The following CCDC88A variants were observed in gnomAD, a reference collection of about 807,000 sequenced individuals.
The protein encoded by CCDC88A is coiled-coil and HOOK domain protein 88A.
A neutral mutation model predicts 234.3 loss-of-function variants in CCDC88A; 54 were observed. That is an observed-to-expected ratio of 0.23 (90% CI 0.19 to 0.29). The LOEUF (loss-of-function observed/expected upper bound fraction) is 0.29, where lower values mean the gene tolerates loss of function less well. Among genes scored for constraint, CCDC88A ranks in the 10% least tolerant of loss-of-function variants. The pLI is 1.00. For missense variants in CCDC88A, 1,832 were observed against 2,123.4 expected, an observed-to-expected ratio of 0.86 and a Z score of 2.70; for synonymous variants, 753 against 737.8, an observed-to-expected ratio of 1.02 and a Z score of -0.33.
chr2:55,358,550 A>T (rs1367828980), intron 7 of CCDC88A, among the ~76,000 whole-genome samples: 2 of 152,054 alleles, frequency 1.3e-5, no homozygotes, highest in Non-Finnish European at 2.9e-5. Flanking sequence ...TGTAAATGTT[A>T]CCTTTTCTCT....
chr2:55,343,317 TACG>T (rs1176852762), intron 12 of CCDC88A, among the ~76,000 whole-genome samples: 1 of 152,140 alleles, frequency 6.6e-6, no homozygotes, highest in East Asian at 1.9e-4. Flanking sequence ...TGACCACTAA[TACG>T]ACTTTTCTGT....
In CCDC88A at chr2:55,290,639, T is replaced by C. The variant is rs909373467; in HGVS notation, c.*561A>G. 1.9e-4 allele frequency: 29 copies of C among 152,462 alleles called. No homozygotes were observed. Among genetic ancestry groups the C allele is most frequent in the Non-Finnish European group, 3.8e-4 (26 of 67,944 alleles). The allele number at this position is 152,462 out of a possible 1,614,324, so 9.4% of individuals were successfully genotyped here. A position where few individuals can be genotyped will look rare whatever the true frequency, so the allele number is the denominator to read the frequency against. On this transcript the variant is annotated 3_prime_UTR_variant, in exon 33 of 33. Coordinates refer to ENST00000436346, the MANE Select transcript of CCDC88A (RefSeq NM_001365480.1). ...ATAATTGGCTTTAAGAAAAAAAAAG[T>C]ATCAACACATGCAGTCTGCTAACCA... is the stretch of plus-strand genomic sequence containing the variant.
chr2:55,384,252 G>C (rs1013132089), intron 3 of CCDC88A, among the ~76,000 whole-genome samples: 1 of 150,132 alleles, frequency 6.7e-6, no homozygotes, highest in African/African-American at 2.4e-5. Flanking sequence ...AAATCCAGGT[G>C]GGGCAGAGGT....
intron 6 of CCDC88A, 114 bp from the exon 7 acceptor site, chr2:55,362,562 A>C: frequency 1.3e-6 from 1 of 750,580 alleles, no homozygotes; most frequent in Non-Finnish European, 2.0e-6. Flanking sequence ...AAATATGAAA[A>C]GCCAATATGA....
intron 25 of CCDC88A, 195 bp downstream of exon 25, chr2:55,308,614 T>G: frequency 1.9e-6 from 1 of 539,410 alleles, no homozygotes; most frequent in East Asian, 3.1e-5. Context: ...GGCCAAATGA[T>G]AGTATATCTG....
chr2:55,348,130 A>AT (rs918169924), intron 9 of CCDC88A, among the ~76,000 whole-genome samples: 3 of 151,338 alleles, frequency 2.0e-5, no homozygotes, highest in African/African-American at 7.3e-5. Context: ...CGTGCAGCTA[A>AT]TTTTTTCATT....
At chr2:55,296,130 T>C in intron 30 of CCDC88A, 74 bp from the exon 31 acceptor site, 1 of 1,338,022 alleles carries the variant, frequency 7.5e-7, no homozygotes, top group South Asian at 1.4e-5. Context: ...TAGCAGACTG[T>C]GCAATATAAA....
chr2:55,387,767 G>A (rs1428833167), intron 3 of CCDC88A, among the ~76,000 whole-genome samples: 1 of 119,304 alleles, frequency 8.4e-6, no homozygotes, highest in African/African-American at 3.4e-5. Context: ...GGGTGACAGT[G>A]AGGCTCCATC....
chr2:55,348,112 C>T (rs979205253), intron 9 of CCDC88A, among the ~76,000 whole-genome samples: 1 of 151,910 alleles, frequency 6.6e-6, no homozygotes, highest in African/African-American at 2.4e-5. Flanking sequence ...CAGGCGAGTG[C>T]CCCATTACGT....
intron 10 of CCDC88A, among the ~76,000 whole-genome samples, chr2:55,344,968 A>G (rs1193041774): frequency 2.0e-5 from 3 of 152,332 alleles, no homozygotes; most frequent in South Asian, 4.1e-4. Context: ...CACATAAATC[A>G]TAAACCAAGG....
At chr2:55,367,443 A>G (rs1349013047) in intron 5 of CCDC88A, among the ~76,000 whole-genome samples, 1 of 151,580 alleles carries the variant, frequency 6.6e-6, no homozygotes, top group East Asian at 1.9e-4. Context: ...TTGTATCAAC[A>G]AAAGTCTCCC....
intron 2 of CCDC88A, among the ~76,000 whole-genome samples, chr2:55,390,201 C>T (rs575029718): frequency 1.3e-5 from 2 of 152,032 alleles, no homozygotes; most frequent in African/African-American, 2.4e-5. Context: ...CTCTTTAATG[C>T]GTGGTTTAAC....
chr2:55,394,720 A>G (rs1192241480), intron 2 of CCDC88A: 1 of 150,382 alleles, frequency 6.6e-6, no homozygotes, highest in Non-Finnish European at 1.5e-5. Flanking sequence ...ATGATGAGTT[A>G]ATGGGTGCAG....
intron 3 of CCDC88A, among the ~76,000 whole-genome samples, chr2:55,384,105 G>T (rs145287788): frequency 6.6e-6 from 1 of 151,968 alleles, no homozygotes; most frequent in Non-Finnish European, 1.5e-5. Context: ...AGGCTGAGGC[G>T]GAAGGATTGC....
intron 3 of CCDC88A, among the ~76,000 whole-genome samples, chr2:55,377,083 C>T (rs1673766294): frequency 1.3e-5 from 2 of 152,084 alleles, no homozygotes; most frequent in Admixed American, 6.6e-5. Context: ...CCACCTGCCT[C>T]GGCCTCCCAA....
chr2:55,296,593 T>C (rs1680056494), intron 29 of CCDC88A, 70 bp from the exon 30 acceptor site: 1 of 1,441,488 alleles, frequency 6.9e-7, no homozygotes, highest in Non-Finnish European at 9.5e-7. Flanking sequence ...AGTAATAACA[T>C]TTGTTGACTG....
rs118082032 is a variant in CCDC88A at position 55,354,728 on chromosome 2, T to C, written c.800+851A>G. Among the ~76,000 whole-genome samples, 24 of 150,746 alleles carry C rather than the reference T, an allele frequency of 1.6e-4. No homozygotes were observed. The East Asian group carries it at 4.4e-3, about 27-fold the overall frequency. On this transcript the variant is annotated intron_variant, in intron 8 of 32. Transcript: ENST00000436346. ...ACAGGCGCACCCCACCATGCCCGGATAATTTTTTTGTATCTTCTAGTAGAG... is the reference window on the plus strand; with the variant it reads ...ACAGGCGCACCCCACCATGCCCGGACAATTTTTTTGTATCTTCTAGTAGAG...
chr2:55,325,053 C>T (rs748459768), intron 17 of CCDC88A, among the ~76,000 whole-genome samples: 1 of 152,214 alleles, frequency 6.6e-6, no homozygotes, highest in African/African-American at 2.4e-5. Context: ...CAATTTGCAC[C>T]AATATTTGAT....
At chr2:55,302,978 A>C (rs2104575724) in intron 26 of CCDC88A, 91 bp downstream of exon 26, 1 of 866,942 alleles carries the variant, frequency 1.2e-6, no homozygotes, top group East Asian at 2.7e-5. Flanking sequence ...AAATAAGGAA[A>C]TTGGCACAGT....
Sources: gnomAD v4.1 joint callset for allele counts (sites outside exome capture counted in the v4.1 genomes callset) on GRCh38, gnomAD v4.1.1 for gene constraint, MANE v1.5 for transcripts, NCBI Gene and HGNC (gene_info 2026-07-23, HGNC 2026-07-21) for gene names.